The following NPAS3 variants were observed in gnomAD, a reference collection of about 807,000 sequenced individuals.
NPAS3 encodes the protein neuronal PAS domain protein 3.
In NPAS3, 14 loss-of-function variants were observed where a neutral mutation model predicts 73.1. The ratio of observed to expected loss-of-function variants is 0.19; its 90% confidence interval spans 0.13 to 0.30. NPAS3 has a LOEUF of 0.30. Ranked by LOEUF, NPAS3 falls within the 10% of genes least tolerant of loss-of-function variation. NPAS3 has a pLI of 1.00. For missense variants in NPAS3, 1,096 were observed against 1,250.0 expected (o/e 0.88, Z 1.86); for synonymous variants, 620 against 541.5 (o/e 1.14, Z -2.01).
At chr14:33,055,227 T>A (rs900773908) in intron 1 of NPAS3, among the ~76,000 whole-genome samples, 4 of 152,246 alleles carry the variant, frequency 2.6e-5, no homozygotes, top group African/African-American at 9.6e-5. Flanking sequence ...TGAATTTATA[T>A]GCTTAAGTAA....
At chr14:33,056,467 C>T (rs1244996706) in intron 2 of NPAS3, among the ~76,000 whole-genome samples, 1 of 152,182 alleles carries the variant, frequency 6.6e-6, no homozygotes, top group Admixed American at 6.5e-5. Context: ...ATGTAGCAGA[C>T]TTAACATGCT....
chr14:33,693,939 T>G (rs7151113), intron 6 of NPAS3, among the ~76,000 whole-genome samples: 86,691 of 151,908 alleles, frequency 0.57, 25,398 homozygotes, highest in East Asian at 0.73. Context: ...CGGACCTGCG[T>G]ACCTCTGACT....
intron 4 of NPAS3, among the ~76,000 whole-genome samples, chr14:33,451,297 G>C (rs894678430): frequency 6.6e-6 from 1 of 152,130 alleles, no homozygotes; most frequent in Admixed American, 6.5e-5. Context: ...TAAAAAGTAG[G>C]TTCTTGAGTT....
At chr14:33,641,635 A>G (rs1567079724) in intron 5 of NPAS3, among the ~76,000 whole-genome samples, 1 of 151,816 alleles carries the variant, frequency 6.6e-6, no homozygotes, top group East Asian at 1.9e-4. Context: ...GATGGAGAGC[A>G]TCTAACCTCC....
chr14:33,521,086 A>G (rs1471793552), intron 4 of NPAS3, among the ~76,000 whole-genome samples: 1 of 152,118 alleles, frequency 6.6e-6, no homozygotes, highest in Non-Finnish European at 1.5e-5. Flanking sequence ...TTTCCTTCAA[A>G]TAACAGGATC....
chr14:33,733,393 TTG>T (rs2061447336), intron 6 of NPAS3, among the ~76,000 whole-genome samples: 1 of 152,154 alleles, frequency 6.6e-6, no homozygotes, highest in African/African-American at 2.4e-5. Flanking sequence ...GTCTCTGATC[TTG>T]TGTTTTAGTA....
chr14:33,074,465 G>A (rs1392502799), intron 2 of NPAS3, among the ~76,000 whole-genome samples: 1 of 152,180 alleles, frequency 6.6e-6, no homozygotes, highest in African/African-American at 2.4e-5. Context: ...CACCCAGGCT[G>A]GAGGGCAGTG....
intron 4 of NPAS3, among the ~76,000 whole-genome samples, chr14:33,518,875 T>C (rs1037503153): frequency 3.9e-5 from 6 of 152,118 alleles, no homozygotes; most frequent in Admixed American, 6.5e-5. Flanking sequence ...AGGAGCTATA[T>C]TGTGGTCTTA....
At chr14:33,149,489 G>A (rs1300015411) in intron 2 of NPAS3, among the ~76,000 whole-genome samples, 1 of 152,170 alleles carries the variant, frequency 6.6e-6, no homozygotes, top group Admixed American at 6.5e-5. Context: ...GATGGTACAT[G>A]ACTTGTTTTG....
At chr14:33,544,810 A>ATATAATATATATATATG (rs1237081574) in intron 4 of NPAS3, among the ~76,000 whole-genome samples, 3 of 92,108 alleles carry the variant, frequency 3.3e-5, no homozygotes, top group African/African-American at 1.2e-4. Flanking sequence ...ATATATATAT[A>ATATAATATATATATATG]TGTATATATA....
chr14:33,429,963 A>C (rs1254860430), intron 4 of NPAS3, among the ~76,000 whole-genome samples: 1 of 152,186 alleles, frequency 6.6e-6, no homozygotes, highest in African/African-American at 2.4e-5. Context: ...TTCTCTGCAG[A>C]TAAATGGCTC....
upstream of NPAS3, among the ~76,000 whole-genome samples, chr14:32,935,415 T>G (rs2035666137): frequency 6.6e-6 from 1 of 152,214 alleles, no homozygotes; most frequent in African/African-American, 2.4e-5. Flanking sequence ...TGGAGGCTGA[T>G]TGATCATTTG....
At chr14:33,433,757 C>T (rs1360120802) in intron 4 of NPAS3, among the ~76,000 whole-genome samples, 1 of 152,208 alleles carries the variant, frequency 6.6e-6, no homozygotes, top group Non-Finnish European at 1.5e-5. Flanking sequence ...TAAGCCCTAA[C>T]TCTAGGTCAA....
chr14:33,160,639 A>T (rs1210683403), intron 2 of NPAS3, among the ~76,000 whole-genome samples: 1 of 151,010 alleles, frequency 6.6e-6, no homozygotes, highest in Non-Finnish European at 1.5e-5. Flanking sequence ...TTAAAGTATA[A>T]TTAAAAAAAA....
chr14:33,788,032 T>C (rs1357920352), intron 9 of NPAS3, among the ~76,000 whole-genome samples: 1 of 152,210 alleles, frequency 6.6e-6, no homozygotes, highest in African/African-American at 2.4e-5. Flanking sequence ...GCCTTGGGCC[T>C]TAGGTGGAGA....
At chr14:33,086,438 T>A (rs2042028084) in intron 2 of NPAS3, among the ~76,000 whole-genome samples, 1 of 152,112 alleles carries the variant, frequency 6.6e-6, no homozygotes, top group Non-Finnish European at 1.5e-5. Context: ...GGACCCCTTG[T>A]TTTTTAAAAA....
rs140672784 is a variant in NPAS3 at position 33,624,487 on chromosome 14, G to A, written c.559-51724G>A. ...GAGTAAAGTTTTATAACTTTTGTGA[G>A]ATTCTCAGAGGTCCTTGGCATAAAG... On this transcript the variant is annotated intron_variant, in intron 5 of 11. Coordinates refer to ENST00000356141, the Ensembl canonical transcript of NPAS3. Among the ~76,000 whole-genome samples the A allele has an allele frequency of 7.7e-3, 1,174 of 151,710 alleles. 9 individuals are homozygous for A. The highest frequency in any genetic ancestry group is 0.014 in the Non-Finnish European group (918 of 67,952).
chr14:33,359,842 TA>T (rs1372631686), intron 3 of NPAS3, among the ~76,000 whole-genome samples: 4 of 152,194 alleles, frequency 2.6e-5, no homozygotes, highest in Non-Finnish European at 5.9e-5. Context: ...ACTGTGGGCT[TA>T]ATTCGTGAGC....
At chr14:32,947,452 C>G (rs1164878299) in intron 1 of NPAS3, among the ~76,000 whole-genome samples, 1 of 152,022 alleles carries the variant, frequency 6.6e-6, no homozygotes, top group Non-Finnish European at 1.5e-5. Context: ...GGGGCATTTT[C>G]CCTTTACAAA....
Sources: gnomAD v4.1 joint callset for allele counts (sites outside exome capture counted in the v4.1 genomes callset) on GRCh38, gnomAD v4.1.1 for gene constraint, MANE v1.5 for transcripts, NCBI Gene and HGNC (gene_info 2026-07-23, HGNC 2026-07-21) for gene names.